NOSTRIN: variants seen among roughly 807,000 people sequenced by gnomAD.
NOSTRIN encodes the protein BM247 homolog.
NOSTRIN carries 63 observed loss-of-function variants against 59.0 expected under a neutral mutation model. The ratio of observed to expected loss-of-function variants is 1.07; its 90% CI spans 0.87 to 1.32. The LOEUF (loss-of-function observed/expected upper bound fraction) is 1.32. Ranked by LOEUF, NOSTRIN falls within the 40% of genes most tolerant of loss-of-function variation. NOSTRIN has a pLI of 0.00. For synonymous variants in NOSTRIN, 200 were observed against 165.4 expected (o/e 1.21, Z -1.61); for missense variants, 512 against 473.1 (o/e 1.08, Z -0.76).
chr2:168,828,228 C>A lies in NOSTRIN; in HGVS notation c.260+8C>A. 1 of 872,964 alleles carries A rather than the reference C, an allele frequency of 1.1e-6. No individual in the cohort carries two copies. The highest frequency in any genetic ancestry group is 2.4e-5 in the East Asian group (1 of 41,702). The allele number at this position is 872,964 out of a possible 1,614,324, so 54.1% of individuals were successfully genotyped here. A position where few individuals can be genotyped will look rare whatever the true frequency, so the allele number is the denominator to read the frequency against. On this transcript the variant is annotated splice_region_variant and intron_variant, in intron 4 of 15. Transcript: ENST00000317647. ...CACAGCGGACCTGCATCAGTGAGTT[C>A]TCCCACCCTGGCCTTTCTCCAACTC...
chr2:168,855,495 G>A lies in NOSTRIN; in HGVS notation c.964+35G>A, dbSNP rs371640994. On this transcript the variant is annotated intron_variant, in intron 11 of 15. Coordinates refer to ENST00000317647, the MANE Select transcript of NOSTRIN (RefSeq NM_001039724.4). ...CATCTCTTTGAATGGCCAGAAAAGG[G>A]ACCATATGATGCTCAGAGGTTTCAT... 21 of 1,190,570 alleles carry A rather than the reference G, an allele frequency of 1.8e-5. No individual in the cohort carries two copies. The African/African-American group carries it at 3.2e-4, about 18-fold the overall frequency. 73.8% of individuals were successfully genotyped at this position (1,190,570 alleles called of 1,614,324 possible).
At chr2:168,846,955 A>G (rs932568225) in intron 8 of NOSTRIN, among the ~76,000 whole-genome samples, 1 of 152,178 alleles carries the variant, frequency 6.6e-6, no homozygotes, top group Admixed American at 6.5e-5. Context: ...GAAAAAGGTA[A>G]TTTCCTTTCT....
intron 1 of NOSTRIN, among the ~76,000 whole-genome samples, chr2:168,806,833 C>G (rs1302894650): frequency 2.6e-5 from 4 of 152,148 alleles, no homozygotes; most frequent in Non-Finnish European, 5.9e-5. Flanking sequence ...AATTGCCTTC[C>G]ACCTGACTGC....
At chr2:168,798,809 C>A (rs77113592), upstream of NOSTRIN, among the ~76,000 whole-genome samples, 1 of 34,456 alleles carries the variant, frequency 2.9e-5, no homozygotes. Context: ...ATCGATCGAT[C>A]GATCGATAGA....
chr2:168,792,258 CT>C (rs1310008364), intron 2 of NOSTRIN, among the ~76,000 whole-genome samples: 2 of 151,962 alleles, frequency 1.3e-5, no homozygotes, highest in African/African-American at 4.8e-5. Context: ...CCATCTATGA[CT>C]TTCAAGAGTC....
rs762841454 is a variant in NOSTRIN, at chr2:168,843,114, C to CAGTTCTATATAA, written c.627_628insAGTTCTATATAA (p.Tyr209_Gln210insSerSerIleTer). 1.2e-5 allele frequency: 10 copies of CAGTTCTATATAA among 868,916 alleles called. No homozygotes were observed. The highest frequency in any genetic ancestry group is 1.7e-5 in the Admixed American group (1 of 58,082). The allele number at this position is 868,916 out of a possible 1,614,324, so 53.8% of individuals were successfully genotyped here. A position where few individuals can be genotyped will look rare whatever the true frequency, so the allele number is the denominator to read the frequency against. Reference sequence around the variant, plus strand: ...GGGAAAACACACTAGAGAACTGCTACCAGGTAAGTTATATATTCACATTTT... The same window carrying CAGTTCTATATAA: ...GGGAAAACACACTAGAGAACTGCTACAGTTCTATATAACAGGTAAGTTATATATTCACATTTT... On this transcript the variant is annotated stop_gained and inframe_insertion, in exon 8 of 16. Transcript: ENST00000317647. LOFTEE classifies it high-confidence loss of function.
chr2:168,845,934 C>T (rs547254542), intron 8 of NOSTRIN, among the ~76,000 whole-genome samples: 3 of 151,974 alleles, frequency 2.0e-5, no homozygotes, highest in African/African-American at 7.3e-5. Context: ...TGTTTCAGTC[C>T]GTGTCCTTTT....
chr2:168,822,281 A>T (rs1686786083), intron 2 of NOSTRIN, among the ~76,000 whole-genome samples: 1 of 152,242 alleles, frequency 6.6e-6, no homozygotes, highest in South Asian at 2.1e-4. Flanking sequence ...AGGCCTTAGC[A>T]TACATCCTGC....
chr2:168,811,496 G>C (rs972115552), intron 1 of NOSTRIN, 71 bp from the exon 2 acceptor site: 1 of 602,994 alleles, frequency 1.7e-6, no homozygotes, highest in African/African-American at 1.9e-5. Context: ...TGAATTTATA[G>C]GTGCTCTATC....
chr2:168,804,668 A>G (rs1301364115), intron 1 of NOSTRIN, among the ~76,000 whole-genome samples: 1 of 152,208 alleles, frequency 6.6e-6, no homozygotes, highest in Non-Finnish European at 1.5e-5. Flanking sequence ...TGCACAGAGC[A>G]CAGTTCATAA....
At chr2:168,844,747 G>A (rs1490969685) in intron 8 of NOSTRIN, among the ~76,000 whole-genome samples, 1 of 152,092 alleles carries the variant, frequency 6.6e-6, no homozygotes, top group Non-Finnish European at 1.5e-5. Flanking sequence ...GCGGGCGCCT[G>A]TTGTCCCAGC....
chr2:168,855,239 G>A, intron 10 of NOSTRIN, 113 bp from the exon 11 acceptor site: 1 of 525,186 alleles, frequency 1.9e-6, no homozygotes, highest in East Asian at 3.2e-5. Flanking sequence ...TAAAAATTTT[G>A]TTTTATTTTA....
At position 168,864,876 on chromosome 2, in the gene NOSTRIN, G is replaced by A; in HGVS notation, c.1427G>A (p.Trp476Ter). 1 of 1,613,956 alleles carries A rather than the reference G, an allele frequency of 6.2e-7. No homozygotes were observed. The highest frequency in any genetic ancestry group is 2.2e-5 in the East Asian group (1 of 44,864). ...IIHEKKEGGW[W>*]FGSLNGKKGH... Reference sequence around the variant, plus strand: ...CACGAGAAAAAAGAAGGAGGATGGTGGTTTGGATCTTTGAATGGGAAAAAA... The same window carrying A: ...CACGAGAAAAAAGAAGGAGGATGGTAGTTTGGATCTTTGAATGGGAAAAAA... The change falls in exon 16 of 16, where the codon TGG (tryptophan) becomes TAG (stop). Residue 476 changes from tryptophan to a stop codon, truncating the protein, a stop_gained. Coordinates refer to ENST00000317647, the MANE Select transcript of NOSTRIN (RefSeq NM_001039724.4). LOFTEE classifies it high-confidence loss of function.
At chr2:168,859,423 T>C (rs1184504239) in intron 12 of NOSTRIN, 89 bp from the exon 13 acceptor site, 2 of 1,555,964 alleles carry the variant, frequency 1.3e-6, no homozygotes, top group Non-Finnish European at 1.7e-6. Context: ...TTCTAACCTT[T>C]GTTATTTTGA....
At chr2:168,865,511 TATC>T (rs1336088836) in exon 16 of NOSTRIN, 2 of 153,342 alleles carry the variant, frequency 1.3e-5, no homozygotes, top group Admixed American at 6.5e-5. Flanking sequence ...CCACAGCCAA[TATC>T]ATACTGAATG....
chr2:168,834,517 A>ACACGCG, intron 7 of NOSTRIN, among the ~76,000 whole-genome samples, 192 bp downstream of exon 7: 1 of 129,190 alleles, frequency 7.7e-6, no homozygotes, highest in East Asian at 3.0e-4. Flanking sequence ...GCACACACAC[A>ACACGCG]CACACACACA....
At chr2:168,862,133 C>A in intron 15 of NOSTRIN, 84 bp downstream of exon 15, 1 of 1,217,608 alleles carries the variant, frequency 8.2e-7, no homozygotes, top group Non-Finnish European at 1.2e-6. Context: ...GTGTGGCAGC[C>A]TTAAGAGTTA....
upstream of NOSTRIN, among the ~76,000 whole-genome samples, chr2:168,797,122 T>C (rs996329455): frequency 2.1e-5 from 3 of 142,374 alleles, no homozygotes; most frequent in African/African-American, 8.1e-5. Flanking sequence ...TCTCTCTCTG[T>C]CACCCAGGCT....
chr2:168,812,442 G>C (rs1009767387), intron 2 of NOSTRIN, among the ~76,000 whole-genome samples: 1 of 152,214 alleles, frequency 6.6e-6, no homozygotes, highest in Non-Finnish European at 1.5e-5. Flanking sequence ...CTTTTCTGTC[G>C]CTTTTCAAGT....
Sources: allele counts gnomAD v4.1 joint callset (sites outside exome capture counted in the v4.1 genomes callset), GRCh38; gene constraint gnomAD v4.1.1; transcripts MANE v1.5; gene names NCBI Gene and HGNC (gene_info 2026-07-23, HGNC 2026-07-21).